Variants in ALOXE3 observed in about 807,000 individuals in gnomAD.
ALOXE3 encodes the protein arachidonate epidermal lipoxygenase 3.
Under a neutral mutation model 87.5 loss-of-function variants are expected in ALOXE3, and 78 were observed. The observed-to-expected ratio is 0.89, with a 90% CI of 0.74 to 1.08. The LOEUF (loss-of-function observed/expected upper bound fraction) is 1.08. Ranked by LOEUF, ALOXE3 falls within the 50% of genes least tolerant of loss-of-function variation. The pLI is 0.00. For synonymous variants in ALOXE3, 363 were observed against 370.8 expected (o/e 0.98, Z 0.24); for missense variants, 946 against 912.4 (o/e 1.04, Z -0.47).
chr17:8,104,806 C>T (rs1979170940), intron 13 of ALOXE3, among the ~76,000 whole-genome samples: 2 of 152,050 alleles, frequency 1.3e-5, no homozygotes, highest in Admixed American at 6.5e-5. Flanking sequence ...GATGAGCCTC[C>T]AATGGAAAAA....
chr17:8,118,273 A>G lies in ALOXE3; in HGVS notation c.-283T>C, dbSNP rs1980796531. 6.4e-7 allele frequency: 1 copy of G among 1,551,688 alleles called. No homozygotes were observed. Reference sequence around the variant, plus strand: ...CACAGCCGGTCCCTCTGGCTGGCTCACCCAGATGGATATCAGGAGCCTGGG... The same window carrying G: ...CACAGCCGGTCCCTCTGGCTGGCTCGCCCAGATGGATATCAGGAGCCTGGG... On this transcript the variant is annotated 5_prime_UTR_variant, in exon 2 of 16. Transcript: ENST00000448843.
intron 11 of ALOXE3, among the ~76,000 whole-genome samples, chr17:8,109,612 G>T (rs962262500): frequency 6.7e-6 from 1 of 150,308 alleles, no homozygotes; most frequent in Non-Finnish European, 1.5e-5. Flanking sequence ...TCAGCTGAGG[G>T]TAGTGCTGGG....
In ALOXE3 at chr17:8,112,039, G is replaced by T; in HGVS notation, c.784+54C>A. The T allele has an allele frequency of 2.7e-6, 4 of 1,496,530 alleles. No homozygotes were observed. In the South Asian group the frequency reaches 3.4e-5, roughly 13 times the overall value. 92.7% of individuals were successfully genotyped at this position (1,496,530 alleles called of 1,614,324 possible). A position where few individuals can be genotyped will look rare whatever the true frequency, so the allele number is the denominator to read the frequency against. On this transcript the variant is annotated intron_variant, in intron 7 of 15. Coordinates refer to ENST00000448843, the MANE Select transcript of ALOXE3 (RefSeq NM_021628.3). ...CCTTTCCCAGGAAGGAGAGGAAGGGGTCTGAGCATGAGATAAGGTGAGGGG... is the reference window on the plus strand; with the variant it reads ...CCTTTCCCAGGAAGGAGAGGAAGGGTTCTGAGCATGAGATAAGGTGAGGGG...
Position 8,104,143 on chromosome 17 carries a change from G to T in ALOXE3, c.1757C>A (p.Ala586Asp), listed in dbSNP as rs1438242675. ...FLTAIIFNCS[A>D]QHAAVNSGQH... ...CCCACTGTTGACAGCAGCGTGCTGGGCAGAGCAATTGAAGATGATTGCAGT... is the reference window on the plus strand; with the variant it reads ...CCCACTGTTGACAGCAGCGTGCTGGTCAGAGCAATTGAAGATGATTGCAGT... Residue 586 changes from alanine (A) to aspartate (D), a missense_variant, in exon 14 of 16, where the codon GCC becomes GAC. By Grantham distance (126) the Ala-to-Asp change is moderately radical. Transcript: ENST00000448843. The T allele has an allele frequency of 2.5e-6, 4 of 1,613,934 alleles. No homozygotes were observed. Among genetic ancestry groups the T allele is most frequent in the Non-Finnish European group, 3.4e-6 (4 of 1,179,964 alleles).
In ALOXE3 at chr17:8,107,816, A is replaced by G. The variant is rs1348762074; in HGVS notation, c.1684+652T>C. Among the ~76,000 whole-genome samples the G allele has an allele frequency of 2.1e-3, 5 of 2,378 alleles. No homozygotes were observed. The East Asian group carries it at 0.028, about 13-fold the overall frequency. 1.6% of individuals were successfully genotyped at this position (2,378 alleles called of 152,430 possible). ...TCCGTCTCAAAAAAAAAAACAAGAA[A>G]GAAAGAAAGAAAGAAAGAAAGAAAG... On this transcript the variant is annotated intron_variant, in intron 13 of 15. Coordinates refer to ENST00000448843, the MANE Select transcript of ALOXE3 (RefSeq NM_021628.3).
At chr17:8,112,589 C>T (rs527397066) in intron 6 of ALOXE3, among the ~76,000 whole-genome samples, 1 of 152,304 alleles carries the variant, frequency 6.6e-6, no homozygotes, top group South Asian at 2.1e-4. Flanking sequence ...CCCCACCAGC[C>T]AGCTTCTACC....
At position 8,106,013 on chromosome 17, in the gene ALOXE3, A is replaced by T. The variant is rs7211097; in HGVS notation, c.1685-1798T>A. Among the ~76,000 whole-genome samples the T allele has an allele frequency of 4.8e-4, 71 of 149,426 alleles. 2 individuals are homozygous for T. Among genetic ancestry groups the T allele is most frequent in the East Asian group, 3.6e-3 (18 of 5,034 alleles). Reference sequence around the variant, plus strand: ...GACCTAATTGGAGGTGAGGCTGCAGAGGCATGCAGGGCCATGTGGTTTCTG... The same window carrying T: ...GACCTAATTGGAGGTGAGGCTGCAGTGGCATGCAGGGCCATGTGGTTTCTG... On this transcript the variant is annotated intron_variant, in intron 13 of 15. Coordinates refer to ENST00000448843, the MANE Select transcript of ALOXE3 (RefSeq NM_021628.3).
chr17:8,096,585 T>A lies in ALOXE3; in HGVS notation c.*42A>T, dbSNP rs749323617. The A allele has an allele frequency of 2.1e-6, 2 of 947,602 alleles. No homozygotes were observed. The highest frequency in any genetic ancestry group is 3.2e-5 in the African/African-American group (2 of 62,096). 58.7% of individuals were successfully genotyped at this position (947,602 alleles called of 1,614,324 possible). ...GGACCTGAGGAACTGGTCCTCCTCA[T>A]GCTTGGACCTTTCTTTCTTCTTGGG... On this transcript the variant is annotated 3_prime_UTR_variant, in exon 16 of 16. Transcript: ENST00000448843.
At chr17:8,116,472 A>T (rs1980595716) in intron 3 of ALOXE3, among the ~76,000 whole-genome samples, 2 of 152,088 alleles carry the variant, frequency 1.3e-5, no homozygotes, top group Admixed American at 1.3e-4. Context: ...GTCTGGAGGA[A>T]CTCACTCTGG....
chr17:8,111,623 T>C lies in ALOXE3; in HGVS notation c.785-92A>G, dbSNP rs1980098862. 4 of 1,381,390 alleles carry C rather than the reference T, an allele frequency of 2.9e-6. No individual in the cohort carries two copies. In the Admixed American group the frequency reaches 5.2e-5, roughly 18 times the overall value. The allele number at this position is 1,381,390 out of a possible 1,614,324, so 85.6% of individuals were successfully genotyped here. The stretch of plus-strand genomic sequence containing the variant: ...CCTTTGCTTATCATTGTGGTTTAGG[T>C]TTTCTTCCCAAAAACTCTATGAGGT... On this transcript the variant is annotated intron_variant, in intron 7 of 15. Coordinates refer to ENST00000448843, the MANE Select transcript of ALOXE3 (RefSeq NM_021628.3).
At chr17:8,109,371 G>T in intron 11 of ALOXE3, 28 bp from the exon 12 acceptor site, 2 of 1,609,650 alleles carry the variant, frequency 1.2e-6, no homozygotes, top group South Asian at 1.1e-5. Flanking sequence ...CTCGGCTCCC[G>T]GGCCGGCCCA....
At chr17:8,116,682 T>A in intron 3 of ALOXE3, 94 bp downstream of exon 3, 1 of 1,444,488 alleles carries the variant, frequency 6.9e-7, no homozygotes, top group Non-Finnish European at 9.7e-7. Context: ...CTGACCTCAA[T>A]CTTATTCCCT....
intron 13 of ALOXE3, among the ~76,000 whole-genome samples, chr17:8,108,064 A>AAAGAAAGG (rs1555647186): frequency 1.1e-4 from 16 of 149,450 alleles, no homozygotes; most frequent in East Asian, 3.9e-4. Flanking sequence ...AGAAAGAAAG[A>AAAGAAAGG]AAGGAAGAGA....
chr17:8,112,334 AG>A, intron 6 of ALOXE3, 138 bp from the exon 7 acceptor site: 1 of 686,488 alleles, frequency 1.5e-6, no homozygotes, highest in Non-Finnish European at 2.6e-6. Context: ...TGGGAGAAAA[AG>A]TCTAGTACCC....
At chr17:8,110,572 CT>C (rs1313572520) in intron 8 of ALOXE3, 44 bp from the exon 9 acceptor site, 2 of 1,612,344 alleles carry the variant, frequency 1.2e-6, no homozygotes, top group Non-Finnish European at 1.7e-6. Flanking sequence ...CCTACTCGCG[CT>C]CCACTTCCCT....
At chr17:8,109,097 G>A (rs988545357) in intron 12 of ALOXE3, 77 bp downstream of exon 12, 10 of 1,584,024 alleles carry the variant, frequency 6.3e-6, no homozygotes, top group Admixed American at 1.7e-5. Context: ...ATCCCCAGGC[G>A]CCATGAGCGC....
At chr17:8,113,152 C>A (rs1980248561) in intron 6 of ALOXE3, among the ~76,000 whole-genome samples, 1 of 152,168 alleles carries the variant, frequency 6.6e-6, no homozygotes, top group South Asian at 2.1e-4. Context: ...TGGAGCATTG[C>A]CTGAACTCCT....
intron 15 of ALOXE3, among the ~76,000 whole-genome samples, chr17:8,098,234 G>GTTTTTTTTTTTTTT (rs71159546): frequency 1.1e-5 from 1 of 87,506 alleles, no homozygotes; most frequent in Non-Finnish European, 2.2e-5. Flanking sequence ...TTTGGTTTTT[G>GTTTTTTTTTTTTTT]TTTTTTTTTT....
At chr17:8,105,767 T>G (rs889728754) in intron 13 of ALOXE3, among the ~76,000 whole-genome samples, 2 of 151,728 alleles carry the variant, frequency 1.3e-5, no homozygotes, top group African/African-American at 2.4e-5. Flanking sequence ...GGTAACTGGA[T>G]GCAGTGATGT....
Sources: allele counts gnomAD v4.1 joint callset (sites outside exome capture counted in the v4.1 genomes callset), GRCh38; gene constraint gnomAD v4.1.1; transcripts MANE v1.5; gene names NCBI Gene and HGNC (gene_info 2026-07-23, HGNC 2026-07-21).